The following ATG10 variants were observed in gnomAD, a reference collection of about 807,000 sequenced individuals.
The protein encoded by ATG10 is autophagy related 10.
In ATG10, 30 loss-of-function variants were observed where a neutral mutation model predicts 32.1. The observed-to-expected ratio is 0.94, with a 90% CI of 0.70 to 1.27. ATG10 has a LOEUF of 1.27. ATG10 is among the 50% of genes most tolerant of loss of function. The probability of loss-of-function intolerance (pLI) is 0.00; values close to 1 mark genes in which losing one functional copy is unlikely to be tolerated. For synonymous variants in ATG10, 87 were observed against 91.5 expected (o/e 0.95, Z 0.28); for missense variants, 233 against 262.3 (o/e 0.89, Z 0.77).
rs143419261 is a variant in ATG10 at position 82,016,406 on chromosome 5, T to A, written c.108+28728T>A. ...GTTGACTCTAAGTATTTGGCTTTAT[T>A]TCTGGGTTCTCTGTGCTGTTCTGTT... On this transcript the variant is annotated intron_variant, in intron 2 of 7. Coordinates refer to ENST00000282185, the MANE Select transcript of ATG10 (RefSeq NM_031482.5). Among the ~76,000 whole-genome samples the A allele has an allele frequency of 5.1e-3, 770 of 152,308 alleles. 4 individuals carry two copies. Among genetic ancestry groups the A allele is most frequent in the Non-Finnish European group, 7.5e-3 (511 of 68,022 alleles).
intron 5 of ATG10, among the ~76,000 whole-genome samples, chr5:82,183,672 T>C (rs1194241713): frequency 6.6e-6 from 1 of 152,204 alleles, no homozygotes; most frequent in Non-Finnish European, 1.5e-5. Context: ...TCATTATTTA[T>C]TAGTTGGACT....
chr5:82,131,228 G>T (rs1766507304), intron 3 of ATG10, among the ~76,000 whole-genome samples: 1 of 152,092 alleles, frequency 6.6e-6, no homozygotes, highest in Non-Finnish European at 1.5e-5. Context: ...GAAAATTTTT[G>T]AAAGAAATGG....
In ATG10 at chr5:81,989,356, T is replaced by G. The variant is rs557943282; in HGVS notation, c.108+1678T>G. Among the ~76,000 whole-genome samples the G allele has an allele frequency of 2.0e-3, 308 of 152,268 alleles. 1 individual carries two copies. The highest frequency in any genetic ancestry group is 7.1e-3 in the African/African-American group (293 of 41,544). On this transcript the variant is annotated intron_variant, in intron 2 of 7. Coordinates refer to ENST00000282185, the MANE Select transcript of ATG10 (RefSeq NM_031482.5). ...GTTTTGATCAGGTCCAGAGTGTCAC[T>G]GGGGAAACAAGCCATGATTTCCTCT...
At chr5:82,227,457 C>G (rs1274527866) in intron 5 of ATG10, among the ~76,000 whole-genome samples, 2 of 152,022 alleles carry the variant, frequency 1.3e-5, no homozygotes, top group East Asian at 3.9e-4. Context: ...TTACTGCAAC[C>G]TCCACCTCCC....
Position 82,164,789 on chromosome 5 carries a change from C to T in ATG10, c.355+252C>T, listed in dbSNP as rs576870717. 7.2e-5 allele frequency among the ~76,000 whole-genome samples: 11 copies of T among 152,202 alleles called. 1 individual carries two copies. In the South Asian group the frequency reaches 2.1e-3, roughly 29 times the overall value. The stretch of plus-strand genomic sequence containing the variant: ...CCTTTTGCCTGAAGTTGACTAAGCC[C>T]CCTGGCCCTTTTTCTTTTCTTTACT... On this transcript the variant is annotated intron_variant, in intron 4 of 7. Transcript: ENST00000282185.
chr5:82,020,930 G>GA (rs750286955), intron 2 of ATG10, among the ~76,000 whole-genome samples: 28 of 152,008 alleles, frequency 1.8e-4, no homozygotes, highest in Non-Finnish European at 3.8e-4. Context: ...ACAATTACTG[G>GA]AAAAAATAAA....
rs748460655 is a variant in ATG10, at chr5:82,164,407, C to T, written c.225C>T (p.Phe75=). 23 of 1,613,136 alleles carry T rather than the reference C, an allele frequency of 1.4e-5. No homozygotes were observed. Among genetic ancestry groups the T allele is most frequent in the Middle Eastern group, 1.6e-4 (1 of 6,080 alleles). The change falls in exon 4 of 8, where the codon TTC becomes TTT. Residue 75 remains phenylalanine, a synonymous_variant. Coordinates refer to ENST00000282185, the MANE Select transcript of ATG10 (RefSeq NM_031482.5). ...GQTCLPMEEA[F]ELPLDDCEVI... Reference sequence around the variant, plus strand: ...TTTTTGCTTTTTTTTAGGAGGCTTTCGAGCTACCCTTGGATGATTGTGAAG... The same window carrying T: ...TTTTTGCTTTTTTTTAGGAGGCTTTTGAGCTACCCTTGGATGATTGTGAAG...
At chr5:82,157,084 C>T (rs1767826798) in intron 3 of ATG10, among the ~76,000 whole-genome samples, 1 of 152,166 alleles carries the variant, frequency 6.6e-6, no homozygotes, top group Non-Finnish European at 1.5e-5. Context: ...CCCCTCCCTC[C>T]TGCCTCGCCC....
intron 1 of ATG10, among the ~76,000 whole-genome samples, chr5:81,981,853 T>G (rs1761056518): frequency 6.6e-6 from 1 of 152,092 alleles, no homozygotes. Context: ...AGTGAAAAAA[T>G]TGTTTTCAAT....
chr5:82,015,182 C>T (rs1244845850), intron 2 of ATG10, among the ~76,000 whole-genome samples: 1 of 152,186 alleles, frequency 6.6e-6, no homozygotes, highest in Non-Finnish European at 1.5e-5. Flanking sequence ...TGTAGAGTTT[C>T]TGCTGAGAGA....
intron 2 of ATG10, among the ~76,000 whole-genome samples, chr5:82,029,413 A>G (rs1434414982): frequency 6.6e-6 from 1 of 152,212 alleles, no homozygotes; most frequent in African/African-American, 2.4e-5. Context: ...ATGAATTTCT[A>G]TGTATGTCAT....
intron 2 of ATG10, among the ~76,000 whole-genome samples, chr5:82,049,692 A>G (rs1472210599): frequency 2.0e-5 from 3 of 152,186 alleles, no homozygotes; most frequent in Admixed American, 2.0e-4. Context: ...GGTATGGTGT[A>G]ATTAGGTAGT....
At chr5:82,207,896 T>A (rs1298102906) in intron 5 of ATG10, among the ~76,000 whole-genome samples, 1 of 152,228 alleles carries the variant, frequency 6.6e-6, no homozygotes, top group African/African-American at 2.4e-5. Context: ...TAGCTACATG[T>A]GACTGTTAAC....
At chr5:82,140,068 G>C (rs1485975531) in intron 3 of ATG10, among the ~76,000 whole-genome samples, 1 of 139,498 alleles carries the variant, frequency 7.2e-6, no homozygotes, top group Non-Finnish European at 1.6e-5. Flanking sequence ...AGGGAGGTGG[G>C]AGGGTCAGCC....
chr5:82,204,119 A>G (rs1409259615), intron 5 of ATG10, among the ~76,000 whole-genome samples: 1 of 152,228 alleles, frequency 6.6e-6, no homozygotes, highest in Non-Finnish European at 1.5e-5. Context: ...TAAAAGTGAC[A>G]ATTTTAAACT....
At chr5:82,017,512 C>T (rs1050844809) in intron 2 of ATG10, among the ~76,000 whole-genome samples, 2 of 152,126 alleles carry the variant, frequency 1.3e-5, no homozygotes, top group African/African-American at 4.8e-5. Context: ...TTCAACTTTT[C>T]CTTATTCAGT....
At chr5:82,052,086 C>A (rs1225149888) in intron 2 of ATG10, among the ~76,000 whole-genome samples, 1 of 152,098 alleles carries the variant, frequency 6.6e-6, no homozygotes, top group Non-Finnish European at 1.5e-5. Flanking sequence ...TTGTCTTCCT[C>A]CTTTATGGAC....
intron 2 of ATG10, among the ~76,000 whole-genome samples, chr5:82,022,989 A>G (rs1008711284): frequency 1.3e-5 from 2 of 149,192 alleles, no homozygotes; most frequent in African/African-American, 5.1e-5. Flanking sequence ...TGGAATATGT[A>G]TATATACACA....
intron 3 of ATG10, among the ~76,000 whole-genome samples, chr5:82,123,910 T>TG (rs1321826566): frequency 6.6e-6 from 1 of 152,010 alleles, no homozygotes; most frequent in East Asian, 1.9e-4. Context: ...CACTCCAGCC[T>TG]GGGTGACAGA....
Sources: gnomAD v4.1 joint callset for allele counts (sites outside exome capture counted in the v4.1 genomes callset) on GRCh38, gnomAD v4.1.1 for gene constraint, MANE v1.5 for transcripts, NCBI Gene and HGNC (gene_info 2026-07-23, HGNC 2026-07-21) for gene names.